The following MAGI1 variants were observed in gnomAD, a reference collection of about 807,000 sequenced individuals.
The protein encoded by MAGI1 is membrane-associated guanylate kinase, WW and PDZ domain-containing protein 1.
MAGI1 carries 58 observed loss-of-function variants against 139.9 expected under a neutral mutation model. That is an observed-to-expected ratio of 0.41 (90% CI 0.34 to 0.52). The LOEUF is 0.52. Among genes scored for constraint, MAGI1 ranks in the 20% least tolerant of loss-of-function variants. The probability of loss-of-function intolerance (pLI) is 0.12; values close to 1 mark genes in which losing one functional copy is unlikely to be tolerated. For synonymous variants in MAGI1, 812 were observed against 737.9 expected (o/e 1.10, Z -1.63); for missense variants, 1,874 against 1,901.6 (o/e 0.99, Z 0.27).
chr3:65,899,348 C>T (rs1009662576), intron 1 of MAGI1, among the ~76,000 whole-genome samples: 30 of 152,216 alleles, frequency 2.0e-4, no homozygotes, highest in Admixed American at 1.7e-3. Context: ...TTCATAACTA[C>T]TCAGGTCCAT....
intron 17 of MAGI1, among the ~76,000 whole-genome samples, chr3:65,378,955 T>C (rs2106878777): frequency 6.6e-6 from 1 of 152,316 alleles, no homozygotes; most frequent in East Asian, 1.9e-4. Flanking sequence ...GTGCTGGGAT[T>C]ACAGGCGTGA....
chr3:65,711,195 C>G (rs1178765040), intron 1 of MAGI1, among the ~76,000 whole-genome samples: 3 of 152,122 alleles, frequency 2.0e-5, no homozygotes, highest in Non-Finnish European at 4.4e-5. Flanking sequence ...AAGTTTCTGC[C>G]TTCATGAAGC....
chr3:65,522,779 G>C (rs952936576), intron 2 of MAGI1, among the ~76,000 whole-genome samples: 2 of 152,148 alleles, frequency 1.3e-5, no homozygotes, highest in Admixed American at 6.6e-5. Flanking sequence ...TAATTTAGCT[G>C]AATGTGGTAC....
intron 2 of MAGI1, among the ~76,000 whole-genome samples, chr3:65,551,991 T>G (rs1576296148): frequency 6.6e-6 from 1 of 152,216 alleles, no homozygotes; most frequent in Non-Finnish European, 1.5e-5. Flanking sequence ...AATGTGTAAG[T>G]TGCTAACTCC....
chr3:65,448,701 C>T (rs1485889593), intron 6 of MAGI1, among the ~76,000 whole-genome samples: 8 of 19,482 alleles, frequency 4.1e-4, no homozygotes, highest in Admixed American at 6.0e-4. Context: ...AACACATACA[C>T]ACACACACAC....
chr3:66,035,959 G>A (rs1306091137), intron 1 of MAGI1, among the ~76,000 whole-genome samples: 4 of 152,130 alleles, frequency 2.6e-5, no homozygotes, highest in Non-Finnish European at 4.4e-5. Context: ...CTTGCACACT[G>A]CAAACACTGC....
intron 2 of MAGI1, among the ~76,000 whole-genome samples, chr3:65,607,481 A>T (rs938570879): frequency 6.6e-6 from 1 of 152,142 alleles, no homozygotes; most frequent in Non-Finnish European, 1.5e-5. Flanking sequence ...AAGTGCTTAC[A>T]GGAGTCCAAG....
At chr3:65,932,337 A>C (rs1358217902) in intron 1 of MAGI1, among the ~76,000 whole-genome samples, 1 of 152,156 alleles carries the variant, frequency 6.6e-6, no homozygotes, top group African/African-American at 2.4e-5. Context: ...ACTCCAGCCT[A>C]AGCGACAGAG....
rs769581565 is a variant in MAGI1, at chr3:65,356,967, T to C, written c.3800A>G (p.Lys1267Arg). The C allele has an allele frequency of 6.2e-6, 10 of 1,614,184 alleles. No individual in the cohort carries two copies. In the South Asian group the frequency reaches 9.9e-5, roughly 16 times the overall value. ...TTGTCTGCTATACTCTCTGCTGCCT[T>C]TCGGATCCCTTGCGTGTGCCCGCTT... ...GEKRAHARDP[K>R]GSREYSRQPN... is the part of the protein sequence containing the mutation. Residue 1267 changes from lysine (K) to arginine (R), a missense_variant, in exon 23 of 23, where the codon AAA (lysine) becomes AGA (arginine). By Grantham distance (26) the Lys-to-Arg change is conservative (BLOSUM62 2). Around this residue, in one of 5 missense-constraint regions of MAGI1, gnomAD observed 653 missense variants for 644.5 expected, o/e 1.01. Coordinates refer to ENST00000402939, the MANE Select transcript of MAGI1 (RefSeq NM_001033057.2).
Position 65,959,668 on chromosome 3 carries a change from T to C in MAGI1, c.313+78328A>G, listed in dbSNP as rs573767322. Among the ~76,000 whole-genome samples the C allele has an allele frequency of 6.1e-5, 9 of 147,890 alleles. No individual in the cohort carries two copies. In the East Asian group the frequency reaches 1.8e-3, roughly 29 times the overall value. On this transcript the variant is annotated intron_variant, in intron 1 of 22. Coordinates refer to ENST00000402939, the MANE Select transcript of MAGI1 (RefSeq NM_001033057.2). Reference sequence around the variant, plus strand: ...ATTATTGAGACAAGGTCTCCCTATGTTTCCCAGGCTGGTCTCAAACTCCTG... The same window carrying C: ...ATTATTGAGACAAGGTCTCCCTATGCTTCCCAGGCTGGTCTCAAACTCCTG...
Position 65,551,839 on chromosome 3 carries a change from A to T in MAGI1, c.431-58208T>A, listed in dbSNP as rs114897139. Among the ~76,000 whole-genome samples the T allele has an allele frequency of 1.5e-3, 229 of 152,298 alleles. 1 individual carries two copies. The highest frequency in any genetic ancestry group is 5.3e-3 in the African/African-American group (221 of 41,568). On this transcript the variant is annotated intron_variant, in intron 2 of 22. Transcript: ENST00000402939. ...GCATTAGCTAAGAGAGTAACATCAC[A>T]TTTACTCCTGTCTCTTTTTAAAGCA...
At chr3:65,668,314 G>A (rs1043562006) in intron 1 of MAGI1, among the ~76,000 whole-genome samples, 6 of 152,100 alleles carry the variant, frequency 3.9e-5, no homozygotes, top group Admixed American at 6.5e-5. Flanking sequence ...AGCTTATACT[G>A]GCTCATGAGA....
At chr3:65,969,077 A>G (rs1460318733) in intron 1 of MAGI1, among the ~76,000 whole-genome samples, 1 of 152,250 alleles carries the variant, frequency 6.6e-6, no homozygotes, top group Non-Finnish European at 1.5e-5. Flanking sequence ...GCGAAAGAGT[A>G]AAGTTATTAT....
chr3:65,382,707 A>T (rs1325245521), intron 15 of MAGI1, among the ~76,000 whole-genome samples: 1 of 152,234 alleles, frequency 6.6e-6, no homozygotes, highest in Non-Finnish European at 1.5e-5. Flanking sequence ...AACTTTGACA[A>T]AATAGTTGCT....
chr3:65,417,872 C>T (rs1157164891), intron 12 of MAGI1, among the ~76,000 whole-genome samples: 5 of 152,116 alleles, frequency 3.3e-5, no homozygotes, highest in Non-Finnish European at 5.9e-5. Context: ...AAATACTGCC[C>T]ATGGACCAGT....
At position 65,392,919 on chromosome 3, in the gene MAGI1, T is replaced by C. The variant is rs73832827; in HGVS notation, c.2200-1561A>G. On this transcript the variant is annotated intron_variant, in intron 13 of 22. Coordinates refer to ENST00000402939, the MANE Select transcript of MAGI1 (RefSeq NM_001033057.2). Reference sequence around the variant, plus strand: ...TGCAGGAGAAATTTGAGGACCATATTCTAACCTATCCTGGAGGTCTTGGGA... The same window carrying C: ...TGCAGGAGAAATTTGAGGACCATATCCTAACCTATCCTGGAGGTCTTGGGA... Among the ~76,000 whole-genome samples, 688 of 152,312 alleles carry C rather than the reference T, an allele frequency of 4.5e-3. 4 individuals carry two copies. Among genetic ancestry groups the C allele is most frequent in the African/African-American group, 0.016 (660 of 41,562 alleles).
chr3:65,544,732 G>A (rs181157498), intron 2 of MAGI1, among the ~76,000 whole-genome samples: 17 of 152,220 alleles, frequency 1.1e-4, no homozygotes, highest in East Asian at 9.7e-4. Context: ...ACCAAGCCAC[G>A]AGCAACCCCA....
chr3:65,362,366 T>A (rs1454390379), intron 21 of MAGI1, among the ~76,000 whole-genome samples: 1 of 152,190 alleles, frequency 6.6e-6, no homozygotes, highest in Non-Finnish European at 1.5e-5. Flanking sequence ...GTAATTAACT[T>A]TTTAAAGTGA....
intron 1 of MAGI1, among the ~76,000 whole-genome samples, chr3:65,762,119 T>G (rs561712293): frequency 6.6e-6 from 1 of 152,126 alleles, no homozygotes; most frequent in Non-Finnish European, 1.5e-5. Context: ...TACCCCAGAA[T>G]GGCTGCATTT....
Sources: allele counts gnomAD v4.1 joint callset (sites outside exome capture counted in the v4.1 genomes callset), GRCh38; gene constraint gnomAD v4.1.1; regional missense constraint gnomAD v4.1.1; transcripts MANE v1.5; gene names NCBI Gene and HGNC (gene_info 2026-07-23, HGNC 2026-07-21).